Variants in IRGM observed in about 807,000 individuals in gnomAD.
IRGM encodes immunity related GTPase M.
For synonymous variants in IRGM, 98 were observed against 80.6 expected (o/e 1.22, Z -1.16); for missense variants, 288 against 219.9 (o/e 1.31, Z -1.96).
rs201114375 is a variant in IRGM, at chr5:150,856,843, TATTTTA to T, written c.158+8190_158+8195del. On this transcript the variant is annotated intron_variant and NMD_transcript_variant, in intron 1 of 3. Coordinates refer to the IRGM transcript ENST00000520549. ...TGTGGATCCATCCATTTTCTTTTTT[TATTTTA>T]TTTTATTGTTATTTATTAATTATTA... Among the ~76,000 whole-genome samples the T allele has an allele frequency of 6.9e-4, 103 of 148,496 alleles. 1 individual carries two copies. The East Asian group carries it at 0.019, about 27-fold the overall frequency.
rs143165466 is a variant in IRGM, at chr5:150,854,379, C to T, written c.158+5725C>T. On this transcript the variant is annotated intron_variant and NMD_transcript_variant, in intron 1 of 3. Coordinates refer to the IRGM transcript ENST00000520549. Reference sequence around the variant, plus strand: ...ATAAAACTATTAGTTTTTATAATGTCCATGTATTTGCCTTTACCGGAGATC... The same window carrying T: ...ATAAAACTATTAGTTTTTATAATGTTCATGTATTTGCCTTTACCGGAGATC... Among the ~76,000 whole-genome samples the T allele has an allele frequency of 3.9e-3, 597 of 152,122 alleles. 8 individuals carry two copies. The highest frequency in any genetic ancestry group is 0.014 in the African/African-American group (565 of 41,530).
chr5:150,865,915 C>T (rs1754201315), intron 1 of IRGM, among the ~76,000 whole-genome samples: 2 of 152,028 alleles, frequency 1.3e-5, no homozygotes, highest in African/African-American at 2.4e-5. Flanking sequence ...CACCACCATG[C>T]CCGGCTAATT....
At chr5:150,881,651 A>G (rs1000515839) in intron 3 of IRGM, among the ~76,000 whole-genome samples, 1 of 152,110 alleles carries the variant, frequency 6.6e-6, no homozygotes, top group Non-Finnish European at 1.5e-5. Context: ...AAAATTATTA[A>G]AAATAATAAT....
intron 3 of IRGM, among the ~76,000 whole-genome samples, chr5:150,885,700 G>C (rs539576813): frequency 6.6e-6 from 1 of 152,158 alleles, no homozygotes; most frequent in Non-Finnish European, 1.5e-5. Context: ...TTGCCTTCCT[G>C]ATTTGGCTCT....
Position 150,848,411 on chromosome 5 carries a change from T to G in IRGM, c.288T>G (p.Ser96=). 4 of 1,551,896 alleles carry G rather than the reference T, an allele frequency of 2.6e-6. No homozygotes were observed. The highest frequency in any genetic ancestry group is 2.6e-6 in the Non-Finnish European group (3 of 1,146,990). The part of the protein sequence containing the change: ...VVLWDLPGTG[S]ATTTLENYLM... Reference sequence around the variant, plus strand: ...TGTGGGACCTGCCTGGCACAGGGTCTGCCACCACAACCCTGGAGAACTACC... The same window carrying G: ...TGTGGGACCTGCCTGGCACAGGGTCGGCCACCACAACCCTGGAGAACTACC... Residue 96 remains serine (S), a synonymous_variant, in exon 2 of 2, where the codon TCT becomes TCG. Coordinates refer to ENST00000522154, the MANE Select transcript of IRGM (RefSeq NM_001145805.2).
intron 1 of IRGM, among the ~76,000 whole-genome samples, chr5:150,870,979 CA>C (rs796691781): frequency 8.5e-4 from 116 of 136,288 alleles, no homozygotes; most frequent in Admixed American, 7.3e-4. Context: ...AAATTCCCAC[CA>C]AAAAAAAAAA....
At chr5:150,893,647 G>A (rs189514684) in intron 3 of IRGM, among the ~76,000 whole-genome samples, 10 of 152,172 alleles carry the variant, frequency 6.6e-5, no homozygotes, top group African/African-American at 2.4e-4. Flanking sequence ...TGCAAAACAA[G>A]ACATCAGAGT....
chr5:150,898,930 A>C (rs757633585), intron 3 of IRGM, among the ~76,000 whole-genome samples: 40 of 152,074 alleles, frequency 2.6e-4, no homozygotes, highest in Admixed American at 2.0e-4. Flanking sequence ...CCAGTACCTC[A>C]AAATGTGATA....
Position 150,848,310 on chromosome 5 carries a change from T to C in IRGM, c.187T>C (p.Ser63Pro), listed in dbSNP as rs1207370151. 17 of 1,551,718 alleles carry C rather than the reference T, an allele frequency of 1.1e-5. No individual in the cohort carries two copies. The highest frequency in any genetic ancestry group is 7.0e-6 in the Non-Finnish European group (8 of 1,146,994). ...AAACACAGGACATGAGGGTAAGGCCTCACCTCCTACTGAGCTGGTAAAAGC... is the reference window on the plus strand; with the variant it reads ...AAACACAGGACATGAGGGTAAGGCCCCACCTCCTACTGAGCTGGTAAAAGC... ...LRNTGHEGKA[S>P]PPTELVKATQ... is the part of the protein sequence containing the mutation. Residue 63 changes from serine (S) to proline (P), a missense_variant, in exon 2 of 2, where the codon TCA becomes CCA. Physicochemically the swap from Ser to Pro is moderately conservative, Grantham distance 74. Transcript: ENST00000522154.
chr5:150,893,853 C>T (rs779627498), intron 3 of IRGM, among the ~76,000 whole-genome samples: 1 of 152,040 alleles, frequency 6.6e-6, no homozygotes, highest in Non-Finnish European at 1.5e-5. Context: ...TTAGCAGATC[C>T]ATTTTATGAA....
intron 3 of IRGM, among the ~76,000 whole-genome samples, chr5:150,889,157 A>G (rs749858397): frequency 6.6e-6 from 1 of 151,818 alleles, no homozygotes; most frequent in African/African-American, 2.4e-5. Context: ...AATTTTTTAC[A>G]TACATGACCG....
At chr5:150,872,708 G>C (rs531352715) in intron 1 of IRGM, among the ~76,000 whole-genome samples, 6 of 152,172 alleles carry the variant, frequency 3.9e-5, no homozygotes, top group Admixed American at 3.9e-4. Context: ...GGTTCTAATT[G>C]TTGGTTTGCT....
At chr5:150,898,162 A>G (rs764043849) in intron 3 of IRGM, 8 of 1,613,490 alleles carry the variant, frequency 5.0e-6, no homozygotes, top group South Asian at 2.2e-5. Flanking sequence ...TGGAGATGAC[A>G]TCTGGTTTGG....
intron 1 of IRGM, among the ~76,000 whole-genome samples, chr5:150,871,906 T>C (rs1198832036): frequency 6.6e-6 from 1 of 152,220 alleles, no homozygotes; most frequent in Non-Finnish European, 1.5e-5. Context: ...AGTTAAAAGA[T>C]AGGTAGTCCC....
intron 3 of IRGM, among the ~76,000 whole-genome samples, chr5:150,892,813 G>A (rs1395793728): frequency 6.6e-6 from 1 of 152,020 alleles, no homozygotes; most frequent in African/African-American, 2.4e-5. Context: ...GTGCAGTGGT[G>A]CAATCACTGC....
chr5:150,885,936 T>A (rs148063654), intron 3 of IRGM, among the ~76,000 whole-genome samples: 35 of 152,232 alleles, frequency 2.3e-4, no homozygotes, highest in Admixed American at 1.3e-3. Flanking sequence ...GGCTAGGGCT[T>A]CCAATATTAT....
chr5:150,853,708 A>G (rs943216537), intron 1 of IRGM, among the ~76,000 whole-genome samples: 3 of 152,024 alleles, frequency 2.0e-5, no homozygotes, highest in African/African-American at 7.2e-5. Context: ...ATTTTGTCTG[A>G]TATTAGTATA....
intron 1 of IRGM, among the ~76,000 whole-genome samples, chr5:150,854,669 G>T (rs957830553): frequency 6.6e-6 from 1 of 152,128 alleles, no homozygotes; most frequent in African/African-American, 2.4e-5. Context: ...TTTCTGCTGA[G>T]AAACTTACTG....
chr5:150,888,772 A>C (rs1754562178), intron 3 of IRGM, among the ~76,000 whole-genome samples: 1 of 152,114 alleles, frequency 6.6e-6, no homozygotes, highest in Admixed American at 6.6e-5. Flanking sequence ...AACATACCAG[A>C]ATCTCTGAGA....
Sources: gnomAD v4.1 joint callset for allele counts (sites outside exome capture counted in the v4.1 genomes callset) on GRCh38, gnomAD v4.1.1 for gene constraint, MANE v1.5 for transcripts, NCBI Gene and HGNC (gene_info 2026-07-23, HGNC 2026-07-21) for gene names.